Variants in IGSF9B observed in about 807,000 individuals in gnomAD.
IGSF9B encodes the protein immunoglobulin superfamily member 9B, also known as protein turtle homolog B.
A neutral mutation model predicts 143.7 loss-of-function variants in IGSF9B; 48 were observed. That is an observed-to-expected ratio of 0.33 (90% CI 0.26 to 0.42). The LOEUF (loss-of-function observed/expected upper bound fraction) is 0.42. Among genes scored for constraint, IGSF9B ranks in the 20% least tolerant of loss-of-function variants. IGSF9B has a pLI of 1.00. For synonymous variants in IGSF9B, 903 were observed against 833.1 expected (o/e 1.08, Z -1.44); for missense variants, 1,706 against 1,980.0 (o/e 0.86, Z 2.63).
At chr11:133,926,643 G>A (rs329667) in intron 13 of IGSF9B, among the ~76,000 whole-genome samples, 52,547 of 152,212 alleles carry the variant, frequency 0.35, 10,002 homozygotes, top group Middle Eastern at 0.49. Flanking sequence ...TCCCCTGAAA[G>A]CAAACATGTG....
intron 3 of IGSF9B, among the ~76,000 whole-genome samples, chr11:133,942,699 G>A (rs975480406): frequency 1.3e-5 from 2 of 152,214 alleles, no homozygotes; most frequent in Non-Finnish European, 2.9e-5. Context: ...CGAGGTTTTA[G>A]CGGCAGATTT....
chr11:133,927,944 C>T (rs544394263), intron 12 of IGSF9B, among the ~76,000 whole-genome samples: 1 of 152,168 alleles, frequency 6.6e-6, no homozygotes, highest in Non-Finnish European at 1.5e-5. Flanking sequence ...AAGAAGCCGG[C>T]GCCAAACGTC....
intron 18 of IGSF9B, among the ~76,000 whole-genome samples, chr11:133,918,459 TGGAA>T (rs1431148098): frequency 1.3e-5 from 2 of 151,280 alleles, no homozygotes; most frequent in African/African-American, 4.9e-5. Context: ...CCAGACACGA[TGGAA>T]GGAAGCAGAT....
At chr11:133,912,536 T>A (rs1240415524) in intron 18 of IGSF9B, among the ~76,000 whole-genome samples, 2 of 152,160 alleles carry the variant, frequency 1.3e-5, no homozygotes, top group Non-Finnish European at 2.9e-5. Flanking sequence ...CTTGCCAGCT[T>A]CTTCTGCAGC....
intron 3 of IGSF9B, among the ~76,000 whole-genome samples, chr11:133,940,904 G>A (rs574747377): frequency 2.0e-5 from 3 of 152,208 alleles, no homozygotes; most frequent in East Asian, 1.9e-4. Flanking sequence ...TAACTTGCAG[G>A]CCTCTTCTCA....
chr11:133,908,733 T>G lies in IGSF9B; in HGVS notation c.*336A>C, dbSNP rs987332559. ...AAACTGAAACAGAAGCAGAGAGCAG[T>G]AAAAGCCATTGCTTTCCTCTTCACT... is the stretch of plus-strand genomic sequence containing the variant. On this transcript the variant is annotated 3_prime_UTR_variant, in exon 20 of 20. Transcript: ENST00000533871. 3 of 257,450 alleles carry G rather than the reference T, an allele frequency of 1.2e-5. No homozygotes were observed. Among genetic ancestry groups the G allele is most frequent in the Non-Finnish European group, 2.2e-5 (3 of 133,550 alleles). The allele number at this position is 257,450 out of a possible 1,614,324, so 15.9% of individuals were successfully genotyped here.
chr11:133,902,806 C>G lies in IGSF9B; in HGVS notation c.*6263G>C, dbSNP rs1939159872. On this transcript the variant is annotated 3_prime_UTR_variant, in exon 20 of 20. Transcript: ENST00000533871. ...TGGCTGACAACTACCCTTTCAAGAACTGCAAGATGACCGTGAGGAGGCTCA... is the reference window on the plus strand; with the variant it reads ...TGGCTGACAACTACCCTTTCAAGAAGTGCAAGATGACCGTGAGGAGGCTCA... Among the ~76,000 whole-genome samples, 1 of 152,180 alleles carries G rather than the reference C, an allele frequency of 6.6e-6. No individual in the cohort carries two copies. The highest frequency in any genetic ancestry group is 2.4e-5 in the African/African-American group (1 of 41,442).
At position 133,935,633 on chromosome 11, in the gene IGSF9B, C is replaced by A. The variant is rs375449263; in HGVS notation, c.951G>T (p.Ala317=). ...NSLGRSPSAS[A]YLTVQYPARV... is the part of the protein sequence containing the mutation. ...CCTACTCACACTGCACGGTCAGGTA[C>A]GCCGAGGCGGAGGGGGAGCGCCCCA... The change falls in exon 7 of 20, where the codon GCG becomes GCT. Residue 317 remains alanine, a synonymous_variant. Transcript: ENST00000533871. 5 of 1,610,320 alleles carry A rather than the reference C, an allele frequency of 3.1e-6. No homozygotes were observed. In the East Asian group the frequency reaches 1.1e-4, roughly 36 times the overall value.
At chr11:133,941,168 C>T (rs563997465) in intron 3 of IGSF9B, among the ~76,000 whole-genome samples, 4 of 152,274 alleles carry the variant, frequency 2.6e-5, no homozygotes, top group East Asian at 1.9e-4. Context: ...CAATTATTTA[C>T]GGAACTAGAT....
In IGSF9B at chr11:133,948,031, CT is replaced by C. The variant is rs768971057; in HGVS notation, c.65-1774del. 1.4e-4 allele frequency among the ~76,000 whole-genome samples: 21 copies of C among 150,564 alleles called. No homozygotes were observed. Among genetic ancestry groups the C allele is most frequent in the Admixed American group, 7.4e-4 (11 of 14,962 alleles). ...TGTGTCTACCTGCCTATCTCTCTCCCTGTTTCTGTCTACCAGCATGTGTGCG... is the reference window on the plus strand; with the variant it reads ...TGTGTCTACCTGCCTATCTCTCTCCCGTTTCTGTCTACCAGCATGTGTGCG... On this transcript the variant is annotated intron_variant, in intron 1 of 19. Transcript: ENST00000533871. This position sits in a 1 kb window ranked among gnomAD's most constrained non-coding sequence, Gnocchi z 4.7.
intron 18 of IGSF9B, among the ~76,000 whole-genome samples, chr11:133,918,816 G>C (rs1939445909): frequency 7.3e-6 from 1 of 137,162 alleles, no homozygotes; most frequent in Admixed American, 7.2e-5. Context: ...GAGAGAGAGA[G>C]AGAGAAGAGG....
chr11:133,896,751 G>A lies in IGSF9B; in HGVS notation c.*12318C>T, dbSNP rs1939023948. On this transcript the variant is annotated 3_prime_UTR_variant, in exon 20 of 20. Transcript: ENST00000533871. ...AGCCTGGCGTGGTAGCCTGAGCTGAGGCAGGCTGCAGGTTCTCTTCCTGAC... is the reference window on the plus strand; with the variant it reads ...AGCCTGGCGTGGTAGCCTGAGCTGAAGCAGGCTGCAGGTTCTCTTCCTGAC... The A allele has an allele frequency of 6.6e-6, 1 of 152,246 alleles. No individual in the cohort carries two copies. Among genetic ancestry groups the A allele is most frequent in the African/African-American group, 2.4e-5 (1 of 41,446 alleles). 9.4% of individuals were successfully genotyped at this position (152,246 alleles called of 1,614,324 possible).
chr11:133,919,078 G>C (rs780247015), intron 18 of IGSF9B: 6 of 489,750 alleles, frequency 1.2e-5, no homozygotes, highest in Non-Finnish European at 2.5e-5. Flanking sequence ...GGCTGGTCGC[G>C]GGAGCTGGTC....
At chr11:133,916,149 G>T (rs1399494717) in intron 18 of IGSF9B, among the ~76,000 whole-genome samples, 3 of 152,168 alleles carry the variant, frequency 2.0e-5, no homozygotes, top group Non-Finnish European at 2.9e-5. Flanking sequence ...GGTGAGGACA[G>T]GGCATCACTA....
In IGSF9B at chr11:133,921,734, C is replaced by T. The variant is rs140281002; in HGVS notation, c.2328-337G>A. ...ATCATCCGTCTTTCCAGTGAACACC[C>T]GCCTCTTCACTTTTGTGCTGGCCTG... On this transcript the variant is annotated intron_variant, in intron 17 of 19. Transcript: ENST00000533871. 2.7e-3 allele frequency among the ~76,000 whole-genome samples: 415 copies of T among 152,206 alleles called. 2 individuals are homozygous for T. The highest frequency in any genetic ancestry group is 9.2e-3 in the African/African-American group (384 of 41,526).
At chr11:133,917,942 C>T (rs1939420678) in intron 18 of IGSF9B, among the ~76,000 whole-genome samples, 1 of 151,756 alleles carries the variant, frequency 6.6e-6, no homozygotes, top group South Asian at 2.1e-4. Flanking sequence ...ATGCAGGGCC[C>T]CAGGGCTTCT....
chr11:133,938,115 C>T, intron 3 of IGSF9B, 154 bp from the exon 4 acceptor site: 1 of 789,016 alleles, frequency 1.3e-6, no homozygotes, highest in Non-Finnish European at 2.0e-6. Flanking sequence ...TTCTGCCTAC[C>T]AACATCACTG....
At position 133,937,366 on chromosome 11, in the gene IGSF9B, T is replaced by C; in HGVS notation, c.679+10A>G. On this transcript the variant is annotated intron_variant, in intron 5 of 19. Coordinates refer to ENST00000533871, the MANE Select transcript of IGSF9B (RefSeq NM_001277285.4). ...CCCAGGGTTAAAGAGGCTGAGGAAATGGCTCCTACCTTGGACAAGCAGGTG... is the reference window on the plus strand; with the variant it reads ...CCCAGGGTTAAAGAGGCTGAGGAAACGGCTCCTACCTTGGACAAGCAGGTG... 2 of 1,594,984 alleles carry C rather than the reference T, an allele frequency of 1.3e-6. No homozygotes were observed. The highest frequency in any genetic ancestry group is 1.7e-6 in the Non-Finnish European group (2 of 1,164,308).
chr11:133,955,990 A>C (rs894944485), intron 1 of IGSF9B, among the ~76,000 whole-genome samples: 2 of 150,310 alleles, frequency 1.3e-5, no homozygotes, highest in Non-Finnish European at 1.5e-5. Flanking sequence ...GCTCCCGGGG[A>C]ACTTTTGCCT....
Sources: gnomAD v4.1 joint callset for allele counts (sites outside exome capture counted in the v4.1 genomes callset) on GRCh38, gnomAD v4.1.1 for gene constraint, Gnocchi (gnomAD v3.1) non-coding constraint, MANE v1.5 for transcripts, NCBI Gene and HGNC (gene_info 2026-07-23, HGNC 2026-07-21) for gene names.